Variants in BBS9 observed in about 807,000 individuals in gnomAD.
The protein encoded by BBS9 is protein PTHB1.
A neutral mutation model predicts 117.7 loss-of-function variants in BBS9; 89 were observed. The ratio of observed to expected loss-of-function variants is 0.76; its 90% CI spans 0.64 to 0.90. The LOEUF (loss-of-function observed/expected upper bound fraction) is 0.90. BBS9 is among the 40% of genes least tolerant of loss of function. The pLI is 0.00. For synonymous variants in BBS9, 379 were observed against 370.9 expected (o/e 1.02, Z -0.25); for missense variants, 982 against 1,042.2 (o/e 0.94, Z 0.80).
rs773833241 is a variant in BBS9 at position 33,534,214 on chromosome 7, C to T, written c.2521+38C>T. 3 of 1,585,038 alleles carry T rather than the reference C, an allele frequency of 1.9e-6. No individual in the cohort carries two copies. The South Asian group carries it at 3.3e-5, about 18-fold the overall frequency. ...TCCATGCTCCCTAATCACAATTGTA[C>T]TTCTCCTAAATTAGAGGAATGTGCC... On this transcript the variant is annotated intron_variant, in intron 21 of 22. Coordinates refer to ENST00000242067, the MANE Select transcript of BBS9 (RefSeq NM_198428.3).
chr7:33,329,503 C>A (rs985324616), intron 9 of BBS9, among the ~76,000 whole-genome samples: 2 of 151,858 alleles, frequency 1.3e-5, no homozygotes, highest in Admixed American at 6.6e-5. Context: ...ATTATTTTTT[C>A]TGATAACAGA....
At chr7:33,288,164 G>C (rs115668858) in intron 9 of BBS9, among the ~76,000 whole-genome samples, 1 of 152,152 alleles carries the variant, frequency 6.6e-6, no homozygotes, top group Non-Finnish European at 1.5e-5. Flanking sequence ...GCCTTATGCC[G>C]TTATGCAACC....
intron 21 of BBS9, among the ~76,000 whole-genome samples, chr7:33,603,745 G>A (rs1864163769): frequency 2.0e-5 from 3 of 152,050 alleles, no homozygotes; most frequent in African/African-American, 7.2e-5. Flanking sequence ...TAATTCTAAT[G>A]TTTTCTATTC....
In BBS9 at chr7:33,296,545, A is replaced by G. The variant is rs191390201; in HGVS notation, c.1016+22589A>G. Reference sequence around the variant, plus strand: ...TTGTAACCTAAAAGAGCAATATGGAACTCCTAGTTAAATGAGACCTCTGAC... The same window carrying G: ...TTGTAACCTAAAAGAGCAATATGGAGCTCCTAGTTAAATGAGACCTCTGAC... On this transcript the variant is annotated intron_variant, in intron 9 of 22. Coordinates refer to ENST00000242067, the MANE Select transcript of BBS9 (RefSeq NM_198428.3). Among the ~76,000 whole-genome samples the G allele has an allele frequency of 3.3e-5, 5 of 152,162 alleles. 1 individual carries two copies. The highest frequency in any genetic ancestry group is 3.3e-4 in the Admixed American group (5 of 15,258).
At chr7:33,523,121 A>G (rs1320696779) in intron 20 of BBS9, among the ~76,000 whole-genome samples, 1 of 147,512 alleles carries the variant, frequency 6.8e-6, no homozygotes, top group Non-Finnish European at 1.5e-5. Flanking sequence ...CTGTTTTGGT[A>G]CCAGTACCAT....
intron 20 of BBS9, among the ~76,000 whole-genome samples, chr7:33,516,510 A>AAAAAAAAAAT: frequency 6.7e-6 from 1 of 149,638 alleles, no homozygotes; most frequent in Non-Finnish European, 1.5e-5. Flanking sequence ...AAAAAAAAAA[A>AAAAAAAAAAT]AGAGTTGATG....
At chr7:33,576,674 A>T (rs1173866027) in intron 21 of BBS9, among the ~76,000 whole-genome samples, 1 of 152,208 alleles carries the variant, frequency 6.6e-6, no homozygotes. Context: ...AGGCTACAGT[A>T]ACCAAAACAG....
intron 4 of BBS9, among the ~76,000 whole-genome samples, chr7:33,161,849 A>G (rs1794906795): frequency 6.6e-6 from 1 of 152,114 alleles, no homozygotes; most frequent in Non-Finnish European, 1.5e-5. Context: ...TGTGGTTTTG[A>G]TTTGCATTTC....
chr7:33,357,108 A>G (rs986551707), intron 15 of BBS9, among the ~76,000 whole-genome samples: 3 of 151,812 alleles, frequency 2.0e-5, no homozygotes, highest in Admixed American at 6.6e-5. Flanking sequence ...GAAAAGCTTT[A>G]TACAAATTCT....
intron 19 of BBS9, among the ~76,000 whole-genome samples, chr7:33,490,479 T>C (rs1843740737): frequency 6.6e-6 from 1 of 152,346 alleles, no homozygotes; most frequent in East Asian, 1.9e-4. Flanking sequence ...TACATGGATA[T>C]CAACTATCTT....
chr7:33,612,232 A>G (rs1452517069), intron 21 of BBS9, among the ~76,000 whole-genome samples: 1 of 152,040 alleles, frequency 6.6e-6, no homozygotes, highest in East Asian at 1.9e-4. Flanking sequence ...ATGGTGTGTA[A>G]TACTCATCTT....
chr7:33,452,154 G>A (rs911092355), intron 19 of BBS9, among the ~76,000 whole-genome samples: 3 of 151,828 alleles, frequency 2.0e-5, no homozygotes, highest in African/African-American at 4.8e-5. Context: ...TTTTGATATA[G>A]GGATCTTACC....
chr7:33,366,180 T>C lies in BBS9; in HGVS notation c.1694-1587T>C, dbSNP rs142073718. 5.3e-3 allele frequency among the ~76,000 whole-genome samples: 805 copies of C among 152,268 alleles called. 8 individuals are homozygous for C. The highest frequency in any genetic ancestry group is 0.017 in the African/African-American group (725 of 41,550). ...CCTCTCTGGGGTTCCCTGGTGGAAA[T>C]GGCTATTGGTTACCTCAGTGGCAAA... On this transcript the variant is annotated intron_variant, in intron 16 of 22. Coordinates refer to ENST00000242067, the MANE Select transcript of BBS9 (RefSeq NM_198428.3).
At chr7:33,571,102 T>A (rs551236106) in intron 21 of BBS9, among the ~76,000 whole-genome samples, 1 of 152,298 alleles carries the variant, frequency 6.6e-6, no homozygotes, top group South Asian at 2.1e-4. Flanking sequence ...TTATATAAGA[T>A]GTTATATAGG....
intron 17 of BBS9, among the ~76,000 whole-genome samples, chr7:33,375,127 C>G (rs1057486957): frequency 1.2e-4 from 19 of 152,126 alleles, no homozygotes; most frequent in African/African-American, 4.1e-4. Flanking sequence ...TTTTACCTTC[C>G]TTAATTAAAT....
At chr7:33,261,878 T>A (rs940169872) in intron 6 of BBS9, among the ~76,000 whole-genome samples, 1 of 152,226 alleles carries the variant, frequency 6.6e-6, no homozygotes, top group Admixed American at 6.5e-5. Context: ...TCTTGTTACA[T>A]TGGCCCTGAT....
At chr7:33,278,213 G>A (rs1455598401) in intron 9 of BBS9, among the ~76,000 whole-genome samples, 1 of 152,138 alleles carries the variant, frequency 6.6e-6, no homozygotes, top group Non-Finnish European at 1.5e-5. Flanking sequence ...CCTCATTCCC[G>A]AGGTGTAAGC....
chr7:33,143,163 G>T (rs1261886809), intron 1 of BBS9, among the ~76,000 whole-genome samples: 2 of 152,018 alleles, frequency 1.3e-5, no homozygotes, highest in African/African-American at 4.8e-5. Flanking sequence ...TAGAGACGGG[G>T]TATCACTGTG....
At chr7:33,294,748 T>G (rs1344440454) in intron 9 of BBS9, among the ~76,000 whole-genome samples, 1 of 152,252 alleles carries the variant, frequency 6.6e-6, no homozygotes, top group Admixed American at 6.5e-5. Flanking sequence ...GAAGCCAAAT[T>G]TGATTTTCTG....
Sources: gnomAD v4.1 joint callset for allele counts (sites outside exome capture counted in the v4.1 genomes callset) on GRCh38, gnomAD v4.1.1 for gene constraint, MANE v1.5 for transcripts, NCBI Gene and HGNC (gene_info 2026-07-23, HGNC 2026-07-21) for gene names.